Variants in EIF4G3 observed in about 807,000 individuals in gnomAD.
EIF4G3 encodes the protein eIF-4-gamma 3.
A neutral mutation model predicts 186.4 loss-of-function variants in EIF4G3; 34 were observed. The observed-to-expected ratio is 0.18, with a 90% CI of 0.14 to 0.24. The LOEUF is 0.24. EIF4G3 is among the 10% of genes least tolerant of loss of function. The probability of loss-of-function intolerance (pLI) is 1.00; values close to 1 mark genes in which losing one functional copy is unlikely to be tolerated. For missense variants in EIF4G3, 1,536 were observed against 1,948.5 expected, an observed-to-expected ratio of 0.79 and a Z score of 3.99; for synonymous variants, 673 against 679.5, an observed-to-expected ratio of 0.99 and a Z score of 0.15.
chr1:20,973,995 G>A (rs1301752728), intron 10 of EIF4G3, among the ~76,000 whole-genome samples: 1 of 152,174 alleles, frequency 6.6e-6, no homozygotes, highest in Non-Finnish European at 1.5e-5. Flanking sequence ...AGAGAAAGAA[G>A]ACTCAAGGAA....
At chr1:20,875,195 TC>T (rs1486239238) in intron 20 of EIF4G3, among the ~76,000 whole-genome samples, 2 of 152,280 alleles carry the variant, frequency 1.3e-5, no homozygotes, top group African/African-American at 4.8e-5. Flanking sequence ...TGTTGCCCAG[TC>T]TGGCCTCAAA....
intron 7 of EIF4G3, 53 bp from the exon 8 acceptor site, chr1:20,982,461 A>G: frequency 2.1e-6 from 3 of 1,452,458 alleles, no homozygotes; most frequent in East Asian, 5.1e-5. Context: ...GCCAATGGAA[A>G]AGCTTACAGA....
At chr1:21,032,896 T>G (rs2092862648) in intron 4 of EIF4G3, among the ~76,000 whole-genome samples, 1 of 152,184 alleles carries the variant, frequency 6.6e-6, no homozygotes, top group African/African-American at 2.4e-5. Context: ...TGAATTCTTT[T>G]CCTTATGAAC....
intron 14 of EIF4G3, among the ~76,000 whole-genome samples, chr1:20,918,443 A>G (rs2094147365): frequency 6.6e-6 from 1 of 152,032 alleles, no homozygotes; most frequent in African/African-American, 2.4e-5. Flanking sequence ...CCTGGCCTCA[A>G]GCAATCCTTC....
At chr1:21,131,166 G>A (rs2097144527) in intron 2 of EIF4G3, among the ~76,000 whole-genome samples, 1 of 150,906 alleles carries the variant, frequency 6.6e-6, no homozygotes, top group South Asian at 2.1e-4. Flanking sequence ...CTTGAACCCA[G>A]GAGATGGAGA....
intron 3 of EIF4G3, among the ~76,000 whole-genome samples, chr1:21,057,341 T>A (rs140438186): frequency 6.6e-6 from 1 of 152,106 alleles, no homozygotes; most frequent in African/African-American, 2.4e-5. Flanking sequence ...AATAAAAAAC[T>A]ACCATAACAC....
At chr1:20,895,871 AT>A (rs2087813723) in intron 16 of EIF4G3, among the ~76,000 whole-genome samples, 1 of 152,184 alleles carries the variant, frequency 6.6e-6, no homozygotes, top group Non-Finnish European at 1.5e-5. Flanking sequence ...ACTAGAGTAT[AT>A]TCCTTCTATT....
chr1:21,170,430 G>C (rs2097937260), intron 2 of EIF4G3, among the ~76,000 whole-genome samples: 1 of 152,074 alleles, frequency 6.6e-6, no homozygotes, highest in South Asian at 2.1e-4. Context: ...CAGCACTTTG[G>C]GAGGCTGAGA....
At chr1:20,959,327 C>G (rs1050695359) in intron 12 of EIF4G3, among the ~76,000 whole-genome samples, 1 of 152,000 alleles carries the variant, frequency 6.6e-6, no homozygotes, top group Admixed American at 6.6e-5. Context: ...GCAAAACTGG[C>G]AAACCTCATG....
intron 7 of EIF4G3, among the ~76,000 whole-genome samples, chr1:20,994,171 G>C (rs1170496260): frequency 2.6e-5 from 4 of 152,196 alleles, no homozygotes; most frequent in Admixed American, 1.3e-4. Context: ...ATATACGGCA[G>C]CTTTGATAAC....
At chr1:21,093,933 A>G (rs2096277733) in intron 2 of EIF4G3, among the ~76,000 whole-genome samples, 1 of 152,058 alleles carries the variant, frequency 6.6e-6, no homozygotes, top group Non-Finnish European at 1.5e-5. Flanking sequence ...GAAGGGGAAC[A>G]TCACACACCA....
At chr1:20,875,825 T>A (rs2080599601) in intron 20 of EIF4G3, among the ~76,000 whole-genome samples, 1 of 151,974 alleles carries the variant, frequency 6.6e-6, no homozygotes, top group East Asian at 1.9e-4. Context: ...GGTGGGAGGA[T>A]CATGTGACCT....
intron 2 of EIF4G3, among the ~76,000 whole-genome samples, chr1:21,133,035 C>A (rs964337315): frequency 6.6e-6 from 1 of 152,170 alleles, no homozygotes; most frequent in African/African-American, 2.4e-5. Context: ...CCACCCACCT[C>A]GGCCTCCCCA....
Position 20,895,445 on chromosome 1 carries a change from G to T in EIF4G3, c.2056C>A (p.Leu686Met), listed in dbSNP as rs762114309. The stretch of plus-strand genomic sequence containing the variant: ...CAGGCAGGCATGAACTGGAAGTCCA[G>T]CAGAAACTCCCTGTCATACTGCTTC... ...GKKQYDREFL[L>M]DFQFMPACIQ... The change falls in exon 17 of 37, where the codon CTG (leucine) becomes ATG (methionine). Residue 686 changes from leucine to methionine, a missense_variant. Around this residue, in one of 11 missense-constraint regions of EIF4G3, gnomAD observed 139 missense variants for 192.8 expected, o/e 0.72. Coordinates refer to ENST00000602326, the MANE Select transcript of EIF4G3 (RefSeq NM_001391906.1). 6.2e-7 allele frequency: 1 copy of T among 1,614,040 alleles called. No individual in the cohort carries two copies. Among genetic ancestry groups the T allele is most frequent in the Non-Finnish European group, 8.5e-7 (1 of 1,179,934 alleles).
intron 14 of EIF4G3, among the ~76,000 whole-genome samples, chr1:20,916,782 T>C (rs753099804): frequency 2.0e-5 from 3 of 151,994 alleles, no homozygotes; most frequent in African/African-American, 4.8e-5. Context: ...TTGAAAAAAA[T>C]AGAGAATCCA....
At chr1:21,001,423 G>A (rs1293357161) in intron 5 of EIF4G3, 111 bp from the exon 6 acceptor site, 3 of 408,986 alleles carry the variant, frequency 7.3e-6, no homozygotes, top group Non-Finnish European at 1.5e-5. Flanking sequence ...TTAGGGTTGG[G>A]GGTATACAGA....
At chr1:20,891,055 ATTACT>A (rs1377655233) in intron 18 of EIF4G3, among the ~76,000 whole-genome samples, 28 of 152,360 alleles carry the variant, frequency 1.8e-4, no homozygotes, top group African/African-American at 6.5e-4. Flanking sequence ...TTCTAGTCAC[ATTACT>A]TTGAGTGTAC....
chr1:21,111,570 A>C (rs2096726842), intron 2 of EIF4G3: 2 of 303,630 alleles, frequency 6.6e-6, no homozygotes, highest in South Asian at 6.0e-5. Flanking sequence ...TCCTAACTTC[A>C]TTCTTTAGAG....
In EIF4G3 at chr1:20,942,033, G is replaced by T. The variant is rs1363708474; in HGVS notation, c.1121C>A (p.Ser374Tyr). The T allele has an allele frequency of 6.2e-7, 1 of 1,614,050 alleles. No homozygotes were observed. Among genetic ancestry groups the T allele is most frequent in the African/African-American group, 1.3e-5 (1 of 74,918 alleles). The change falls in exon 14 of 37, where the codon TCT (serine) becomes TAT (tyrosine). Residue 374 changes from serine (S) to tyrosine (Y), a missense_variant. Physicochemically the swap from Ser to Tyr is moderately radical, Grantham distance 144. Around this residue, in one of 11 missense-constraint regions of EIF4G3, gnomAD observed 560 missense variants for 547.8 expected, o/e 1.02. Transcript: ENST00000602326. The part of the protein sequence containing the change: ...EDTIPIPSLT[S>Y]CTETSDPLPT... Reference sequence around the variant, plus strand: ...TAAAGGGTCTGATGTTTCTGTGCAAGATGTGAGGCTGGGTATAGGAATTGT... The same window carrying T: ...TAAAGGGTCTGATGTTTCTGTGCAATATGTGAGGCTGGGTATAGGAATTGT...
Sources: gnomAD v4.1 joint callset for allele counts (sites outside exome capture counted in the v4.1 genomes callset) on GRCh38, gnomAD v4.1.1 for gene constraint, gnomAD v4.1.1 regional missense constraint, MANE v1.5 for transcripts, NCBI Gene and HGNC (gene_info 2026-07-23, HGNC 2026-07-21) for gene names.